TAFA1: variants seen among roughly 807,000 people sequenced by gnomAD.
TAFA1 encodes TAFA chemokine like family member 1.
TAFA1 carries 4 observed loss-of-function variants against 18.5 expected under a neutral mutation model. That is an observed-to-expected ratio of 0.22 (90% CI 0.11 to 0.49). TAFA1 has a LOEUF of 0.49. Among genes scored for constraint, TAFA1 ranks in the 20% least tolerant of loss-of-function variants. TAFA1 has a pLI of 0.98. For synonymous variants in TAFA1, 56 were observed against 55.2 expected, an observed-to-expected ratio of 1.01 and a Z score of -0.06; for missense variants, 147 against 169.0, an observed-to-expected ratio of 0.87 and a Z score of 0.72.
chr3:68,263,446 TACACACACACAC>T (rs3033685), intron 2 of TAFA1, among the ~76,000 whole-genome samples: 1 of 137,686 alleles, frequency 7.3e-6, no homozygotes, highest in Non-Finnish European at 1.6e-5. Context: ...CACACACACA[TACACACACACAC>T]ACACACACAC....
chr3:68,273,747 G>A (rs1388489), intron 2 of TAFA1, among the ~76,000 whole-genome samples: 40,978 of 151,970 alleles, frequency 0.27, 5,773 homozygotes, highest in East Asian at 0.35. Flanking sequence ...TAGAGACAAC[G>A]GTGAGCTAAA....
intron 3 of TAFA1, among the ~76,000 whole-genome samples, chr3:68,430,420 C>T (rs2071148068): frequency 6.6e-6 from 1 of 151,944 alleles, no homozygotes; most frequent in Non-Finnish European, 1.5e-5. Context: ...CAAGAAGTAA[C>T]AATAAATAGT....
intron 2 of TAFA1, among the ~76,000 whole-genome samples, chr3:68,020,958 G>T (rs1223142086): frequency 2.6e-5 from 4 of 151,898 alleles, no homozygotes; most frequent in African/African-American, 9.7e-5. Flanking sequence ...GGCTGATGAG[G>T]GTGGATCACC....
chr3:68,024,213 C>A (rs560144225), intron 2 of TAFA1, among the ~76,000 whole-genome samples: 5 of 152,184 alleles, frequency 3.3e-5, no homozygotes, highest in Admixed American at 1.3e-4. Context: ...GGATCAAATG[C>A]ATCCATTTGT....
chr3:68,379,748 A>G (rs1031370595), intron 2 of TAFA1, among the ~76,000 whole-genome samples: 14 of 150,790 alleles, frequency 9.3e-5, no homozygotes, highest in Non-Finnish European at 1.8e-4. Context: ...GTCTGTCTCC[A>G]AAGTTCTTTT....
At chr3:68,233,657 A>C (rs141334025) in intron 2 of TAFA1, among the ~76,000 whole-genome samples, 50 of 152,154 alleles carry the variant, frequency 3.3e-4, no homozygotes, top group African/African-American at 1.2e-3. Context: ...TTTGTGAAGA[A>C]TGTCATTGGT....
At chr3:68,229,554 T>C (rs528777408) in intron 2 of TAFA1, among the ~76,000 whole-genome samples, 3 of 152,300 alleles carry the variant, frequency 2.0e-5, no homozygotes, top group Non-Finnish European at 4.4e-5. Flanking sequence ...ACTTTTCTAA[T>C]GTAGAAATGA....
intron 2 of TAFA1, among the ~76,000 whole-genome samples, chr3:68,184,794 C>A (rs890516434): frequency 1.3e-5 from 2 of 152,114 alleles, no homozygotes. Flanking sequence ...TAATATTTTT[C>A]ATAGTGGCCT....
chr3:68,491,076 C>T (rs936365461), intron 3 of TAFA1, among the ~76,000 whole-genome samples: 1 of 152,146 alleles, frequency 6.6e-6, no homozygotes, highest in Middle Eastern at 3.4e-3. Flanking sequence ...CAGGCTCAAG[C>T]GATCCTCCTG....
At chr3:68,141,370 A>T (rs1276835835) in intron 2 of TAFA1, among the ~76,000 whole-genome samples, 1 of 152,168 alleles carries the variant, frequency 6.6e-6, no homozygotes, top group Non-Finnish European at 1.5e-5. Flanking sequence ...TCAATTCCAT[A>T]ATCATCCTCA....
At chr3:68,471,182 C>T (rs2071989692) in intron 3 of TAFA1, among the ~76,000 whole-genome samples, 1 of 152,234 alleles carries the variant, frequency 6.6e-6, no homozygotes, top group Non-Finnish European at 1.5e-5. Flanking sequence ...ACCTAGATTT[C>T]AGAGGATGTA....
chr3:68,173,918 T>A (rs2066091158), intron 2 of TAFA1, among the ~76,000 whole-genome samples: 1 of 152,168 alleles, frequency 6.6e-6, no homozygotes, highest in Admixed American at 6.5e-5. Context: ...AAATATATAT[T>A]TCTAACTTGC....
intron 3 of TAFA1, among the ~76,000 whole-genome samples, chr3:68,434,389 T>C (rs1207143060): frequency 2.6e-5 from 4 of 152,076 alleles, no homozygotes; most frequent in Non-Finnish European, 5.9e-5. Flanking sequence ...GTAAATATTT[T>C]CTTGGCTGCT....
intron 2 of TAFA1, among the ~76,000 whole-genome samples, chr3:68,392,577 C>A (rs143662345): frequency 1.3e-5 from 2 of 152,108 alleles, no homozygotes; most frequent in African/African-American, 4.8e-5. Context: ...AGCACCGTAT[C>A]GCACTTATTC....
At chr3:68,199,213 T>A (rs1025694094) in intron 2 of TAFA1, among the ~76,000 whole-genome samples, 43 of 151,570 alleles carry the variant, frequency 2.8e-4, no homozygotes, top group African/African-American at 1.0e-3. Context: ...GTGTCAATGA[T>A]TTATTTGTGT....
Position 68,286,158 on chromosome 3 carries a change from C to T in TAFA1, c.119-131122C>T, listed in dbSNP as rs183884851. Among the ~76,000 whole-genome samples, 442 of 151,942 alleles carry T rather than the reference C, an allele frequency of 2.9e-3. 5 individuals carry two copies. In the East Asian group the frequency reaches 0.035, roughly 12 times the overall value. On this transcript the variant is annotated intron_variant, in intron 2 of 4. Coordinates refer to ENST00000478136, the MANE Select transcript of TAFA1 (RefSeq NM_213609.4). ...CCTGGGAGGCGGATGCTGCAGTGGG[C>T]CAAGATTGCACCACTGCACTCCAGC...
At chr3:68,437,734 C>T (rs1395396526) in intron 3 of TAFA1, among the ~76,000 whole-genome samples, 1 of 152,082 alleles carries the variant, frequency 6.6e-6, no homozygotes, top group Non-Finnish European at 1.5e-5. Flanking sequence ...GTCAATATTG[C>T]CACACTGGGG....
At chr3:68,167,576 C>CAA (rs11395399) in intron 2 of TAFA1, among the ~76,000 whole-genome samples, 1,228 of 27,798 alleles carry the variant, frequency 0.044, 63 homozygotes, top group African/African-American at 0.093. Context: ...GACTCCGTCT[C>CAA]AAAAAAAAAA....
At position 68,062,376 on chromosome 3, in the gene TAFA1, A is replaced by G. The variant is rs112707809; in HGVS notation, c.118+55632A>G. On this transcript the variant is annotated intron_variant, in intron 2 of 4. Coordinates refer to ENST00000478136, the MANE Select transcript of TAFA1 (RefSeq NM_213609.4). Reference sequence around the variant, plus strand: ...GATCCTAGGCAAATCTTTCAAAGAGATGCCACAAACATGGTCAAATAAGCA... The same window carrying G: ...GATCCTAGGCAAATCTTTCAAAGAGGTGCCACAAACATGGTCAAATAAGCA... 6.0e-3 allele frequency among the ~76,000 whole-genome samples: 918 copies of G among 152,312 alleles called. 13 individuals are homozygous for G. The highest frequency in any genetic ancestry group is 0.02 in the African/African-American group (851 of 41,560).
Sources: allele counts gnomAD v4.1 joint callset (sites outside exome capture counted in the v4.1 genomes callset), GRCh38; gene constraint gnomAD v4.1.1; transcripts MANE v1.5; gene names NCBI Gene and HGNC (gene_info 2026-07-23, HGNC 2026-07-21).